TEX9: variants seen among roughly 807,000 people sequenced by gnomAD.
TEX9 encodes the protein testis expressed 9, also known as testis-expressed protein 9.
In TEX9, 74 loss-of-function variants were observed where a neutral mutation model predicts 59.6. The ratio of observed to expected loss-of-function variants is 1.24; its 90% CI spans 1.03 to 1.51. The LOEUF (loss-of-function observed/expected upper bound fraction) is 1.51. Ranked by LOEUF, TEX9 falls within the 40% of genes most tolerant of loss-of-function variation. The pLI is 0.00. For synonymous variants in TEX9, 186 were observed against 152.2 expected (o/e 1.22, Z -1.64); for missense variants, 522 against 447.8 (o/e 1.17, Z -1.49).
At chr15:56,268,520 C>A (rs1006579330) in intron 1 of TEX9, among the ~76,000 whole-genome samples, 2 of 152,056 alleles carry the variant, frequency 1.3e-5, no homozygotes, top group African/African-American at 2.4e-5. Flanking sequence ...ATTTATTGAG[C>A]GTTTTTAGCA....
chr15:56,456,572 T>G, the TEX9 span: 1 of 1,578,958 alleles, frequency 6.3e-7, no homozygotes. Flanking sequence ...CAGATTTTTT[T>G]CATCAAGGTT....
intron 1 of TEX9, among the ~76,000 whole-genome samples, chr15:56,359,037 G>A (rs1192127265): frequency 6.6e-6 from 1 of 152,074 alleles, no homozygotes; most frequent in Non-Finnish European, 1.5e-5. Flanking sequence ...TTTTATAGCA[G>A]TGTGAGAACA....
intron 2 of TEX9, among the ~76,000 whole-genome samples, chr15:56,371,869 A>G (rs1450034853): frequency 6.6e-6 from 1 of 152,132 alleles, no homozygotes; most frequent in Non-Finnish European, 1.5e-5. Context: ...ATTTCTGCTC[A>G]CCTAAGGTTG....
At chr15:56,382,967 A>C (rs1218008285) in intron 3 of TEX9, among the ~76,000 whole-genome samples, 1 of 152,080 alleles carries the variant, frequency 6.6e-6, no homozygotes, top group African/African-American at 2.4e-5. Context: ...TTGCCTAGAA[A>C]ATGGAGCCAT....
chr15:56,299,835 A>T (rs8025320), intron 1 of TEX9, among the ~76,000 whole-genome samples: 2,593 of 152,198 alleles, frequency 0.017, 73 homozygotes, highest in African/African-American at 0.059. Flanking sequence ...CAGTTCTGGC[A>T]GGATTAATCA....
At chr15:56,303,790 T>TA (rs1394853137) in intron 1 of TEX9, among the ~76,000 whole-genome samples, 1 of 152,032 alleles carries the variant, frequency 6.6e-6, no homozygotes, top group East Asian at 1.9e-4. Flanking sequence ...AAGACCCAAA[T>TA]AAAATCACAG....
At chr15:56,422,693 T>C (rs1344353564) in intron 10 of TEX9, among the ~76,000 whole-genome samples, 3 of 151,958 alleles carry the variant, frequency 2.0e-5, no homozygotes, top group African/African-American at 7.3e-5. Context: ...TTCTTAAACA[T>C]TTTAAGCATA....
rs574114712 is a variant in TEX9 at position 56,438,870 on chromosome 15, G to A, written c.*30-6801G>A. 9.2e-5 allele frequency among the ~76,000 whole-genome samples: 14 copies of A among 152,292 alleles called. No individual in the cohort carries two copies. In the South Asian group the frequency reaches 2.1e-3, roughly 23 times the overall value. On this transcript the variant is annotated intron_variant, in intron 12 of 12. Coordinates refer to ENST00000352903, the Ensembl canonical transcript of TEX9. Reference sequence around the variant, plus strand: ...CTTCTCAAAAGAAGACATTTATGCAGCCAACAGACAAGAACAGGAAAGGTG... The same window carrying A: ...CTTCTCAAAAGAAGACATTTATGCAACCAACAGACAAGAACAGGAAAGGTG...
At chr15:56,283,148 A>G (rs1339733573) in intron 1 of TEX9, among the ~76,000 whole-genome samples, 3 of 151,970 alleles carry the variant, frequency 2.0e-5, no homozygotes, top group African/African-American at 7.3e-5. Context: ...CCCAATGAGC[A>G]GAATTGAGAG....
At chr15:56,424,768 G>T (rs1269542561) in intron 10 of TEX9, among the ~76,000 whole-genome samples, 4 of 152,124 alleles carry the variant, frequency 2.6e-5, no homozygotes, top group African/African-American at 9.7e-5. Context: ...AAAAGTGAAA[G>T]AATGAAAAGT....
chr15:56,273,692 T>C (rs2044603450), intron 1 of TEX9, among the ~76,000 whole-genome samples: 1 of 152,244 alleles, frequency 6.6e-6, no homozygotes, highest in African/African-American at 2.4e-5. Context: ...GTATGAAAGA[T>C]AGTTCTGCAA....
rs751165447 is a variant in TEX9, at chr15:56,434,164, G to A, written c.*29+5691G>A. On this transcript the variant is annotated intron_variant, in intron 12 of 12. Coordinates refer to ENST00000352903, the Ensembl canonical transcript of TEX9. ...TTGTCTGCAAGGAATTGTTGGCGACGCTCTTCAATAAGTTTTTCCACAGCC... is the reference window on the plus strand; with the variant it reads ...TTGTCTGCAAGGAATTGTTGGCGACACTCTTCAATAAGTTTTTCCACAGCC... 1.7e-5 allele frequency: 28 copies of A among 1,612,952 alleles called. No individual in the cohort carries two copies. In the African/African-American group the frequency reaches 1.9e-4, roughly 11 times the overall value.
intron 2 of TEX9, among the ~76,000 whole-genome samples, chr15:56,366,965 C>G (rs1175908787): frequency 6.6e-6 from 1 of 152,124 alleles, no homozygotes; most frequent in African/African-American, 2.4e-5. Context: ...ATATATAGTT[C>G]TTTATCAGCT....
chr15:56,297,670 A>G (rs2045249082), intron 1 of TEX9, among the ~76,000 whole-genome samples: 1 of 152,168 alleles, frequency 6.6e-6, no homozygotes, highest in Admixed American at 6.5e-5. Flanking sequence ...ACGCCCAGCT[A>G]ATTTTTGTAT....
At chr15:56,299,529 A>G (rs1431907918) in intron 1 of TEX9, among the ~76,000 whole-genome samples, 1 of 152,190 alleles carries the variant, frequency 6.6e-6, no homozygotes, top group Non-Finnish European at 1.5e-5. Flanking sequence ...TGGGGTACAC[A>G]TGACCTAGCG....
intron 1 of TEX9, among the ~76,000 whole-genome samples, chr15:56,341,663 G>C (rs143554445): frequency 4.6e-5 from 7 of 152,232 alleles, no homozygotes; most frequent in African/African-American, 1.7e-4. Flanking sequence ...ATTTCCCTTG[G>C]TCAATTGTGA....
intron 1 of TEX9, among the ~76,000 whole-genome samples, chr15:56,250,621 TTA>T (rs1317152048): frequency 1.3e-5 from 2 of 152,158 alleles, no homozygotes; most frequent in Non-Finnish European, 2.9e-5. Context: ...GATATATATT[TTA>T]TATTTGTATG....
At chr15:56,259,618 C>A (rs923593971) in intron 1 of TEX9, among the ~76,000 whole-genome samples, 1 of 152,010 alleles carries the variant, frequency 6.6e-6, no homozygotes, top group Non-Finnish European at 1.5e-5. Context: ...TATACTAATA[C>A]CACACTGCAT....
At chr15:56,319,989 A>G (rs1596086604) in intron 1 of TEX9, among the ~76,000 whole-genome samples, 1 of 152,202 alleles carries the variant, frequency 6.6e-6, no homozygotes, top group Non-Finnish European at 1.5e-5. Flanking sequence ...GAACAGAGAC[A>G]AAACTCTTTC....
Sources: gnomAD v4.1 joint callset for allele counts (sites outside exome capture counted in the v4.1 genomes callset) on GRCh38, gnomAD v4.1.1 for gene constraint, MANE v1.5 for transcripts, NCBI Gene and HGNC (gene_info 2026-07-23, HGNC 2026-07-21) for gene names.